The following KIF27 variants were observed in gnomAD, a reference collection of about 807,000 sequenced individuals.
KIF27 encodes kinesin-like protein KIF27.
In KIF27, 84 loss-of-function variants were observed where a neutral mutation model predicts 141.8. The ratio of observed to expected loss-of-function variants is 0.59; its 90% CI spans 0.50 to 0.71. The LOEUF (loss-of-function observed/expected upper bound fraction) is 0.71. Among genes scored for constraint, KIF27 ranks in the 30% least tolerant of loss-of-function variants. KIF27 has a pLI of 0.00. For synonymous variants in KIF27, 471 were observed against 569.5 expected, an observed-to-expected ratio of 0.83 and a Z score of 2.46; for missense variants, 1,306 against 1,628.4, an observed-to-expected ratio of 0.80 and a Z score of 3.41.
Position 83,891,305 on chromosome 9 carries a change from T to A in KIF27, c.1799A>T (p.Asp600Val), listed in dbSNP as rs1362531361. The A allele has an allele frequency of 2.5e-6, 4 of 1,611,030 alleles. No homozygotes were observed. Among genetic ancestry groups the A allele is most frequent in the South Asian group, 1.1e-5 (1 of 89,872 alleles). ...GHYIYIPSRQ[D>V]SRKVHTSPPM... ...TTGTTTGGACTTTACCTTCCTGGAA[T>A]CTTGTCTTGATGGGATATAAATATA... The change falls in exon 6 of 18, where the codon GAT (aspartate) becomes GTT (valine). Residue 600 changes from aspartate to valine, a missense_variant. Around this residue, in one of 4 missense-constraint regions of KIF27, gnomAD observed 596 missense variants for 751.6 expected, o/e 0.79. Coordinates refer to ENST00000297814, the MANE Select transcript of KIF27 (RefSeq NM_017576.4).
rs888061589 is a variant in KIF27 at position 83,836,400 on chromosome 9, T to G, written c.*601A>C. On this transcript the variant is annotated 3_prime_UTR_variant, in exon 18 of 18. Coordinates refer to ENST00000297814, the MANE Select transcript of KIF27 (RefSeq NM_017576.4). Reference sequence around the variant, plus strand: ...TATTAGCAAACATAAAAGATAGCATTATAAATTTTTAAAAATCCAAAAAAA... The same window carrying G: ...TATTAGCAAACATAAAAGATAGCATGATAAATTTTTAAAAATCCAAAAAAA... Among the ~76,000 whole-genome samples, 2 of 152,150 alleles carry G rather than the reference T, an allele frequency of 1.3e-5. No individual in the cohort carries two copies. The highest frequency in any genetic ancestry group is 4.8e-5 in the African/African-American group (2 of 41,442).
At chr9:83,845,889 T>C (rs1474827769) in intron 16 of KIF27, among the ~76,000 whole-genome samples, 1 of 152,190 alleles carries the variant, frequency 6.6e-6, no homozygotes, top group Non-Finnish European at 1.5e-5. Context: ...GTGAAGATAT[T>C]TGTATCCCAA....
At chr9:83,878,234 TA>T (rs112206813) in intron 11 of KIF27, among the ~76,000 whole-genome samples, 2 of 144,860 alleles carry the variant, frequency 1.4e-5, no homozygotes, top group Admixed American at 6.8e-5. Flanking sequence ...TGACTATAAT[TA>T]AAAAAAGGAA....
Position 83,850,177 on chromosome 9 carries a change from A to G in KIF27, c.3478T>C (p.Leu1160=), listed in dbSNP as rs778766878. Residue 1160 remains leucine (L), a synonymous_variant, in exon 16 of 18, where the codon TTG becomes CTG. Coordinates refer to ENST00000297814, the MANE Select transcript of KIF27 (RefSeq NM_017576.4). ...ELESALDHLK[L]QCDRRLTLQQ... is the part of the protein sequence containing the mutation. ...AGGGTCAGTCTCCGGTCACACTGCA[A>G]TTTTAGATGGTCCAGTGCAGATTCT... 6 of 1,613,602 alleles carry G rather than the reference A, an allele frequency of 3.7e-6. No individual in the cohort carries two copies. The African/African-American group carries it at 8.0e-5, about 22-fold the overall frequency.
chr9:83,892,982 C>A (rs1298777133), intron 5 of KIF27, among the ~76,000 whole-genome samples: 5 of 152,198 alleles, frequency 3.3e-5, no homozygotes, highest in Admixed American at 2.6e-4. Context: ...CACCTGTAAT[C>A]CCAGCACGCT....
rs557876823 is a variant in KIF27, at chr9:83,853,881, T to C, written c.3151-46A>G. ...TCATTTTAAATGAAATAGTATAACT[T>C]TGACTTTGTCATATACTCAGATCCT... is the stretch of plus-strand genomic sequence containing the variant. On this transcript the variant is annotated intron_variant, in intron 14 of 17. Transcript: ENST00000297814. 30 of 1,382,836 alleles carry C rather than the reference T, an allele frequency of 2.2e-5. No individual in the cohort carries two copies. In the African/African-American group the frequency reaches 2.3e-4, roughly 11 times the overall value. The allele number at this position is 1,382,836 out of a possible 1,614,324, so 85.7% of individuals were successfully genotyped here.
chr9:83,861,117 T>G (rs914846996), intron 13 of KIF27, among the ~76,000 whole-genome samples: 1 of 151,954 alleles, frequency 6.6e-6, no homozygotes, highest in African/African-American at 2.4e-5. Flanking sequence ...AGTCAGTGTA[T>G]CCAAACCTTC....
At chr9:83,848,210 T>TATATCTGATATATC (rs1564285952) in intron 16 of KIF27, among the ~76,000 whole-genome samples, 1 of 50,854 alleles carries the variant, frequency 2.0e-5, no homozygotes, top group Non-Finnish European at 3.7e-5. Flanking sequence ...TCAGATATGA[T>TATATCTGATATATC]ATATATGATA....
chr9:83,899,812 GGAAA>G lies in KIF27; in HGVS notation c.1459-12_1459-9del. 6.3e-7 allele frequency: 1 copy of G among 1,594,786 alleles called. No individual in the cohort carries two copies. The highest frequency in any genetic ancestry group is 8.6e-7 in the Non-Finnish European group (1 of 1,168,974). ...ATCAGCAGCAAGCACACACTAGTGG[GGAAA>G]GAAAGCACAAGTGACATTCACCACA... is the stretch of plus-strand genomic sequence containing the variant. On this transcript the variant is annotated splice_polypyrimidine_tract_variant and intron_variant, in intron 4 of 17. Transcript: ENST00000297814.
chr9:83,870,141 CTCTA>C (rs200694940), intron 12 of KIF27, among the ~76,000 whole-genome samples: 173 of 151,620 alleles, frequency 1.1e-3, no homozygotes, highest in East Asian at 2.5e-3. Context: ...CTATCTATCT[CTCTA>C]TCTATCTATC....
intron 3 of KIF27, among the ~76,000 whole-genome samples, chr9:83,906,472 G>A (rs558944385): frequency 3.7e-4 from 57 of 152,236 alleles, no homozygotes; most frequent in Non-Finnish European, 3.8e-4. Flanking sequence ...CAGGCATGGT[G>A]GCTCACCCCT....
intron 16 of KIF27, chr9:83,848,833 G>C (rs1948189402): frequency 6.7e-6 from 1 of 149,620 alleles, no homozygotes; most frequent in Admixed American, 6.7e-5. Flanking sequence ...TTTTTTTTGA[G>C]ACAGGGTCTT....
intron 5 of KIF27, chr9:83,898,980 A>C (rs1953561808): frequency 6.6e-6 from 1 of 152,584 alleles, no homozygotes; most frequent in East Asian, 1.9e-4. Flanking sequence ...AACAACAACA[A>C]ACAACAACAA....
intron 8 of KIF27, among the ~76,000 whole-genome samples, 184 bp from the exon 9 acceptor site, chr9:83,887,380 AAG>A (rs1474443860): frequency 2.0e-5 from 3 of 152,356 alleles, no homozygotes; most frequent in South Asian, 4.1e-4. Flanking sequence ...AGCTTACAGT[AAG>A]AGTTTTTATT....
chr9:83,867,949 C>T, intron 12 of KIF27, 89 bp from the exon 13 acceptor site: 1 of 1,283,072 alleles, frequency 7.8e-7, no homozygotes, highest in South Asian at 1.6e-5. Flanking sequence ...TGGCTGAAAT[C>T]TCTTAAATGA....
At chr9:83,895,418 A>G (rs1387289472) in intron 5 of KIF27, among the ~76,000 whole-genome samples, 1 of 152,204 alleles carries the variant, frequency 6.6e-6, no homozygotes, top group African/African-American at 2.4e-5. Context: ...GGAAAGGGTA[A>G]ATTAAAAATA....
intron 13 of KIF27, among the ~76,000 whole-genome samples, chr9:83,865,822 G>C (rs1228065088): frequency 1.3e-5 from 2 of 152,064 alleles, no homozygotes; most frequent in African/African-American, 4.8e-5. Context: ...TTCAGAGTCA[G>C]GTATCGAAAA....
chr9:83,848,114 C>CTGATATATATGATATCTCATATA lies in KIF27; in HGVS notation c.3556+1984_3556+1985insTATATGAGATATCATATATATCA, dbSNP rs1947663224. ...ATATGATATATATGATATCTCATAT[C>CTGATATATATGATATCTCATATA]TGATATATCTGATATCTCATATATG... On this transcript the variant is annotated intron_variant, in intron 16 of 17. Transcript: ENST00000297814. Among the ~76,000 whole-genome samples, 4 of 31,872 alleles carry CTGATATATATGATATCTCATATA rather than the reference C, an allele frequency of 1.3e-4. 2 individuals are homozygous for CTGATATATATGATATCTCATATA. The highest frequency in any genetic ancestry group is 1.5e-3 in the South Asian group (2 of 1,374). The allele number at this position is 31,872 out of a possible 152,430, so 20.9% of individuals were successfully genotyped here. A position where few individuals can be genotyped will look rare whatever the true frequency, so the allele number is the denominator to read the frequency against.
At chr9:83,910,276 T>C (rs1297409900) in intron 2 of KIF27, among the ~76,000 whole-genome samples, 2 of 152,256 alleles carry the variant, frequency 1.3e-5, no homozygotes, top group South Asian at 2.1e-4. Context: ...TTTTAGATGA[T>C]ATATAATTTC....
Sources: gnomAD v4.1 joint callset for allele counts (sites outside exome capture counted in the v4.1 genomes callset) on GRCh38, gnomAD v4.1.1 for gene constraint, gnomAD v4.1.1 regional missense constraint, MANE v1.5 for transcripts, NCBI Gene and HGNC (gene_info 2026-07-23, HGNC 2026-07-21) for gene names.